BMP8A: variants seen among roughly 807,000 people sequenced by gnomAD.
BMP8A encodes the protein BMP-8A.
A neutral mutation model predicts 36.8 loss-of-function variants in BMP8A; 14 were observed. That is an observed-to-expected ratio of 0.38 (90% CI 0.25 to 0.60). BMP8A has a LOEUF of 0.60. Among genes scored for constraint, BMP8A ranks in the 20% least tolerant of loss-of-function variants. The probability of loss-of-function intolerance (pLI) is 0.63; values close to 1 mark genes in which losing one functional copy is unlikely to be tolerated. For synonymous variants in BMP8A, 120 were observed against 237.7 expected, an observed-to-expected ratio of 0.50 and a Z score of 4.55; for missense variants, 267 against 551.1, an observed-to-expected ratio of 0.48 and a Z score of 5.16.
At chr1:39,517,295 C>T (rs1645401340) in intron 3 of BMP8A, among the ~76,000 whole-genome samples, 3 of 151,782 alleles carry the variant, frequency 2.0e-5, no homozygotes, top group African/African-American at 7.3e-5. Flanking sequence ...CTGAGTTGGG[C>T]CAATTAACCT....
intron 6 of BMP8A, chr1:39,523,685 T>C (rs1006081176): frequency 1.1e-5 from 16 of 1,417,568 alleles, no homozygotes; most frequent in Non-Finnish European, 1.3e-5. Context: ...GATGCCTTGG[T>C]GTCTGGGGCA....
At position 39,491,990 on chromosome 1, in the gene BMP8A, C is replaced by T; in HGVS notation, c.-2C>T. The T allele has an allele frequency of 9.2e-7, 1 of 1,081,120 alleles. No individual in the cohort carries two copies. The highest frequency in any genetic ancestry group is 1.1e-6 in the Non-Finnish European group (1 of 892,564). 67.0% of individuals were successfully genotyped at this position (1,081,120 alleles called of 1,614,324 possible). A position where few individuals can be genotyped will look rare whatever the true frequency, so the allele number is the denominator to read the frequency against. On this transcript the variant is annotated 5_prime_UTR_variant, in exon 1 of 7. Coordinates refer to ENST00000331593, the MANE Select transcript of BMP8A (RefSeq NM_181809.4). ...GCGCCCGCTGAGCGCCCCCGGCCCGCCATGGCCGCGCGCCCCGGACCGCTC... is the reference window on the plus strand; with the variant it reads ...GCGCCCGCTGAGCGCCCCCGGCCCGTCATGGCCGCGCGCCCCGGACCGCTC...
rs569551556 is a variant in BMP8A at position 39,522,750 on chromosome 1, C to T, written c.949-257C>T. ...TTGCCGCAGGGTAACTGAGACCTCC[C>T]TGCATTGGCTACGACTGCAGCTCTG... On this transcript the variant is annotated intron_variant, in intron 5 of 6. Coordinates refer to ENST00000331593, the MANE Select transcript of BMP8A (RefSeq NM_181809.4). 3.3e-5 allele frequency among the ~76,000 whole-genome samples: 5 copies of T among 152,222 alleles called. No homozygotes were observed. In the East Asian group the frequency reaches 9.6e-4, roughly 29 times the overall value.
At chr1:39,508,644 A>C (rs1645323982) in intron 1 of BMP8A, among the ~76,000 whole-genome samples, 2 of 152,140 alleles carry the variant, frequency 1.3e-5, no homozygotes, top group Non-Finnish European at 2.9e-5. Flanking sequence ...GTCCCAACAA[A>C]TGCTCTTCCT....
chr1:39,523,358 A>C (rs1369227609), intron 6 of BMP8A, among the ~76,000 whole-genome samples: 2 of 152,200 alleles, frequency 1.3e-5, no homozygotes, highest in Admixed American at 6.5e-5. Context: ...TCGCGTATGC[A>C]TGCCTGTTCT....
chr1:39,522,374 A>AAAAG, intron 4 of BMP8A, 29 bp from the exon 5 acceptor site: 3 of 1,502,066 alleles, frequency 2.0e-6, no homozygotes, highest in Non-Finnish European at 2.7e-6. Context: ...GGAACCCCAG[A>AAAAG]AAAGACCTTG....
At chr1:39,499,061 C>G (rs1368092097) in intron 1 of BMP8A, among the ~76,000 whole-genome samples, 5 of 152,176 alleles carry the variant, frequency 3.3e-5, no homozygotes, top group Non-Finnish European at 1.5e-5. Flanking sequence ...ATGCGAGCCT[C>G]CCATGTCCAC....
At chr1:39,513,744 G>A (rs541158069) in intron 3 of BMP8A, among the ~76,000 whole-genome samples, 4 of 151,902 alleles carry the variant, frequency 2.6e-5, no homozygotes, top group South Asian at 2.1e-4. Flanking sequence ...AGACCCAGGC[G>A]AGGGAGGTGC....
rs1380600356 is a variant in BMP8A, at chr1:39,515,542, A to G, written c.673+3638A>G. Reference sequence around the variant, plus strand: ...GAGGTGAGGGAGTTCAACGGCGACCACTTCCTTTTGGAGCGCGCCATCCGG... The same window carrying G: ...GAGGTGAGGGAGTTCAACGGCGACCGCTTCCTTTTGGAGCGCGCCATCCGG... On this transcript the variant is annotated intron_variant, in intron 3 of 6. Coordinates refer to ENST00000331593, the MANE Select transcript of BMP8A (RefSeq NM_181809.4). The G allele has an allele frequency of 5.4e-5, 70 of 1,286,096 alleles. No homozygotes were observed. The African/African-American group carries it at 8.9e-4, about 16-fold the overall frequency. 79.7% of individuals were successfully genotyped at this position (1,286,096 alleles called of 1,614,324 possible).
chr1:39,492,042 G>T lies in BMP8A; in HGVS notation c.51G>T (p.Ala17=), dbSNP rs1454007883. ...PLWLLGLTLC[A]LGGGGPGLRP... ...GGCTTCTGGGCCTGACGTTGTGCGC[G>T]CTGGGCGGGGGCGGCCCCGGCCTGC... The change falls in exon 1 of 7, where the codon GCG becomes GCT. Residue 17 remains alanine (A), a synonymous_variant. Transcript: ENST00000331593. The T allele has an allele frequency of 3.6e-6, 4 of 1,097,480 alleles. No homozygotes were observed. The highest frequency in any genetic ancestry group is 4.4e-6 in the Non-Finnish European group (4 of 903,892). 68.0% of individuals were successfully genotyped at this position (1,097,480 alleles called of 1,614,324 possible).
chr1:39,504,952 C>T (rs1645288178), intron 1 of BMP8A, among the ~76,000 whole-genome samples: 1 of 152,194 alleles, frequency 6.6e-6, no homozygotes, highest in South Asian at 2.1e-4. Context: ...TTTACACGAA[C>T]ATCTCAATGC....
intron 3 of BMP8A, chr1:39,515,672 C>G: frequency 6.3e-7 from 1 of 1,574,952 alleles, no homozygotes; most frequent in Non-Finnish European, 8.7e-7. Flanking sequence ...AAGCTGCAGA[C>G]GTCACGGCGG....
intron 1 of BMP8A, among the ~76,000 whole-genome samples, chr1:39,507,992 T>C (rs1189111662): frequency 1.3e-5 from 2 of 152,124 alleles, no homozygotes; most frequent in Non-Finnish European, 2.9e-5. Flanking sequence ...TGGCTCACGC[T>C]TGTAATCCCA....
chr1:39,492,716 A>G (rs1056090557), intron 1 of BMP8A, among the ~76,000 whole-genome samples: 1 of 152,286 alleles, frequency 6.6e-6, no homozygotes, highest in African/African-American at 2.4e-5. Flanking sequence ...GAGAGGGACA[A>G]AGTTCAGCGT....
chr1:39,509,670 C>T (rs987393937), intron 1 of BMP8A, among the ~76,000 whole-genome samples: 2 of 152,234 alleles, frequency 1.3e-5, no homozygotes, highest in East Asian at 1.9e-4. Flanking sequence ...GTTCCCACCA[C>T]GAGGACAGGA....
chr1:39,508,687 C>G (rs888574133), intron 1 of BMP8A, among the ~76,000 whole-genome samples: 4 of 152,210 alleles, frequency 2.6e-5, no homozygotes, highest in African/African-American at 9.6e-5. Context: ...TCTTTTCTAT[C>G]CAAAGGCACA....
At chr1:39,509,181 C>T (rs371673511) in intron 1 of BMP8A, among the ~76,000 whole-genome samples, 5 of 152,228 alleles carry the variant, frequency 3.3e-5, no homozygotes, top group Admixed American at 1.3e-4. Flanking sequence ...CATAGAGCCA[C>T]GCTTTGAAAG....
intron 6 of BMP8A, 74 bp downstream of exon 6, chr1:39,523,191 C>T (rs1407490234): frequency 1.6e-5 from 25 of 1,538,040 alleles, no homozygotes; most frequent in East Asian, 2.3e-5. Context: ...TCCAGCCAGC[C>T]GGGAGGGCAG....
chr1:39,508,272 GA>G (rs1227796034), intron 1 of BMP8A, among the ~76,000 whole-genome samples: 43 of 151,086 alleles, frequency 2.8e-4, no homozygotes, highest in African/African-American at 2.2e-4. Context: ...AAAGAAAAAA[GA>G]AAAAAAGAAA....
Sources: gnomAD v4.1 joint callset for allele counts (sites outside exome capture counted in the v4.1 genomes callset) on GRCh38, gnomAD v4.1.1 for gene constraint, MANE v1.5 for transcripts, NCBI Gene and HGNC (gene_info 2026-07-23, HGNC 2026-07-21) for gene names.